Variants in MGST1 observed in about 807,000 individuals in gnomAD.
The protein encoded by MGST1 is glutathione S-transferase 12.
In MGST1, 5 loss-of-function variants were observed where a neutral mutation model predicts 8.9. That is an observed-to-expected ratio of 0.56 (90% CI 0.29 to 1.19). The LOEUF (loss-of-function observed/expected upper bound fraction) is 1.19, where lower values mean the gene tolerates loss of function less well. MGST1 is among the 50% of genes most tolerant of loss of function. The probability of loss-of-function intolerance (pLI) is 0.08; values close to 1 mark genes in which losing one functional copy is unlikely to be tolerated. For missense variants in MGST1, 182 were observed against 187.4 expected, an observed-to-expected ratio of 0.97 and a Z score of 0.17; for synonymous variants, 54 against 67.8, an observed-to-expected ratio of 0.80 and a Z score of 1.00.
At position 16,456,707 on chromosome 12, in the gene MGST1, G is replaced by A. The variant is rs1221303727; in HGVS notation, n.482+73103G>A. Among the ~76,000 whole-genome samples the A allele has an allele frequency of 3.3e-5, 5 of 151,782 alleles. No homozygotes were observed. In the East Asian group the frequency reaches 9.7e-4, roughly 29 times the overall value. On this transcript the variant is annotated intron_variant and non_coding_transcript_variant, in intron 4 of 4. Coordinates refer to the MGST1 transcript ENST00000538857. ...ACACAAACTGAGTCACCTCCCCTAC[G>A]TACTCCTTAGTTTATATTCTCTAAC...
At chr12:16,522,393 T>C (rs563719758) in intron 4 of MGST1, among the ~76,000 whole-genome samples, 2 of 152,244 alleles carry the variant, frequency 1.3e-5, no homozygotes, top group East Asian at 3.9e-4. Flanking sequence ...CTCTTTTACC[T>C]AAAATGAGCA....
intron 1 of MGST1, among the ~76,000 whole-genome samples, chr12:16,435,053 G>T (rs541394434): frequency 5.3e-5 from 8 of 151,840 alleles, no homozygotes; most frequent in Non-Finnish European, 1.2e-4. Flanking sequence ...TTTTAAACAA[G>T]AAGTTTGTTT....
intron 1 of MGST1, among the ~76,000 whole-genome samples, chr12:16,402,947 T>A (rs991659455): frequency 1.6e-5 from 2 of 125,002 alleles, no homozygotes; most frequent in Non-Finnish European, 1.8e-5. Flanking sequence ...ATACATTTAA[T>A]ATATTCTCTA....
chr12:16,381,219 A>G (rs921210965), downstream of MGST1, among the ~76,000 whole-genome samples: 6 of 152,156 alleles, frequency 3.9e-5, no homozygotes, highest in Non-Finnish European at 7.3e-5. Flanking sequence ...TAGTTGATGC[A>G]GTTTCTTCCT....
chr12:16,485,923 CCTT>C lies in MGST1; in HGVS notation n.482+102323_482+102325del, dbSNP rs903330369. Among the ~76,000 whole-genome samples, 120 of 152,122 alleles carry C rather than the reference CCTT, an allele frequency of 7.9e-4. No individual in the cohort carries two copies. In the Middle Eastern group the frequency reaches 0.01, roughly 13 times the overall value. ...AATTACAAAGTAAAAGCAAAAATCC[CCTT>C]CTTGTTTAATTTTCTCTTTTGCTTG... On this transcript the variant is annotated intron_variant and non_coding_transcript_variant, in intron 4 of 4. Coordinates refer to the MGST1 transcript ENST00000538857.
At chr12:16,348,273 G>A (rs745892187) in intron 1 of MGST1, among the ~76,000 whole-genome samples, 1 of 152,162 alleles carries the variant, frequency 6.6e-6, no homozygotes, top group Non-Finnish European at 1.5e-5. Context: ...AAGAGGATGT[G>A]GGTTAGATGA....
At chr12:16,470,902 CTTTA>C (rs1941286342) in intron 4 of MGST1, among the ~76,000 whole-genome samples, 2 of 152,260 alleles carry the variant, frequency 1.3e-5, no homozygotes, top group South Asian at 2.1e-4. Context: ...ACCAACCTCC[CTTTA>C]TTTGAGGGTA....
At chr12:16,554,871 G>A (rs749990199) in intron 4 of MGST1, among the ~76,000 whole-genome samples, 6 of 152,014 alleles carry the variant, frequency 3.9e-5, no homozygotes, top group Non-Finnish European at 8.8e-5. Context: ...TGTTAGCCAG[G>A]ATGGTCTCGA....
intron 3 of MGST1, among the ~76,000 whole-genome samples, chr12:16,374,152 A>G (rs1940343510): frequency 1.3e-5 from 2 of 152,142 alleles, no homozygotes; most frequent in Admixed American, 6.6e-5. Flanking sequence ...TAATCACTTC[A>G]TAGCCAATGC....
chr12:16,478,389 G>A (rs1178845623), intron 4 of MGST1, among the ~76,000 whole-genome samples: 2 of 151,866 alleles, frequency 1.3e-5, no homozygotes, highest in Non-Finnish European at 2.9e-5. Flanking sequence ...AACATAAAAT[G>A]AAGTTAAAAT....
chr12:16,527,377 G>A (rs978894785), intron 4 of MGST1, among the ~76,000 whole-genome samples: 3 of 151,910 alleles, frequency 2.0e-5, no homozygotes, highest in African/African-American at 7.2e-5. Context: ...TAGCCATTAT[G>A]TCTTACACTA....
chr12:16,400,684 G>T, intron 1 of MGST1: 2 of 1,497,366 alleles, frequency 1.3e-6, no homozygotes, highest in Non-Finnish European at 9.3e-7. Flanking sequence ...CTTCATTCCT[G>T]CCCAGAGCAC....
intron 4 of MGST1, among the ~76,000 whole-genome samples, chr12:16,581,886 T>A (rs1943170207): frequency 6.6e-6 from 1 of 152,128 alleles, no homozygotes; most frequent in Non-Finnish European, 1.5e-5. Flanking sequence ...TTGATTTACT[T>A]TTTTATTTAG....
rs543478839 is a variant in MGST1 at position 16,436,876 on chromosome 12, C to T, written n.779-512C>T. Among the ~76,000 whole-genome samples the T allele has an allele frequency of 2.6e-5, 4 of 152,086 alleles. No individual in the cohort carries two copies. The East Asian group carries it at 7.8e-4, about 30-fold the overall frequency. Reference sequence around the variant, plus strand: ...TCTTAACCAGTCCACAATAATGTTTCTCAAAGCACTGTGAATAATATAAAA... The same window carrying T: ...TCTTAACCAGTCCACAATAATGTTTTTCAAAGCACTGTGAATAATATAAAA... On this transcript the variant is annotated intron_variant and non_coding_transcript_variant, in intron 1 of 1. Transcript: ENST00000359720.
chr12:16,543,422 C>T (rs1160875151), intron 4 of MGST1, among the ~76,000 whole-genome samples: 1 of 152,032 alleles, frequency 6.6e-6, no homozygotes, highest in Admixed American at 6.6e-5. Flanking sequence ...GCCTTGTTTG[C>T]TTGTTGAGTG....
rs74322278 is a variant in MGST1, at chr12:16,425,416, G to A, written n.779-11972G>A. 4.6e-3 allele frequency among the ~76,000 whole-genome samples: 706 copies of A among 152,124 alleles called. 5 individuals carry two copies. The highest frequency in any genetic ancestry group is 0.016 in the African/African-American group (679 of 41,472). Reference sequence around the variant, plus strand: ...TCATGCTTCAGCCTCCTCAAGTAGTGAGATTACAGATGTGAGCCACCAATG... The same window carrying A: ...TCATGCTTCAGCCTCCTCAAGTAGTAAGATTACAGATGTGAGCCACCAATG... On this transcript the variant is annotated intron_variant and non_coding_transcript_variant, in intron 1 of 1. Transcript: ENST00000359720.
At chr12:16,491,849 G>A (rs551574357) in intron 4 of MGST1, among the ~76,000 whole-genome samples, 97 of 151,624 alleles carry the variant, frequency 6.4e-4, no homozygotes, top group South Asian at 1.7e-3. Flanking sequence ...CCTTTTTCCC[G>A]TTTCTAATAT....
intron 1 of MGST1, among the ~76,000 whole-genome samples, chr12:16,391,242 A>G (rs995926969): frequency 6.6e-6 from 1 of 151,110 alleles, no homozygotes; most frequent in Non-Finnish European, 1.5e-5. Context: ...TGCTGCAGCT[A>G]TCAACCCATC....
At chr12:16,467,346 G>C (rs1941263007) in intron 4 of MGST1, among the ~76,000 whole-genome samples, 1 of 152,160 alleles carries the variant, frequency 6.6e-6, no homozygotes, top group African/African-American at 2.4e-5. Context: ...GCATTTTCTG[G>C]TTTAGGCCAG....
Sources: gnomAD v4.1 joint callset for allele counts (sites outside exome capture counted in the v4.1 genomes callset) on GRCh38, gnomAD v4.1.1 for gene constraint, MANE v1.5 for transcripts, NCBI Gene and HGNC (gene_info 2026-07-23, HGNC 2026-07-21) for gene names.